The following FBN1 variants were observed in gnomAD, a reference collection of about 807,000 sequenced individuals.
The protein encoded by FBN1 is fibrillin-1.
FBN1 carries 29 observed loss-of-function variants against 365.1 expected under a neutral mutation model. That is an observed-to-expected ratio of 0.08 (90% CI 0.06 to 0.11). The LOEUF (loss-of-function observed/expected upper bound fraction) is 0.11, where lower values mean the gene tolerates loss of function less well. FBN1 is among the 10% of genes least tolerant of loss of function. The pLI is 1.00. For missense variants in FBN1, 2,476 were observed against 3,703.2 expected, an observed-to-expected ratio of 0.67 and a Z score of 8.60; for synonymous variants, 1,210 against 1,270.5, an observed-to-expected ratio of 0.95 and a Z score of 1.01.
In FBN1 at chr15:48,550,680, G is replaced by A. The variant is rs143316405; in HGVS notation, c.539-12872C>T. ...GTGAACTGCAGTTCCTCAACTCACG[G>A]TGCTGTTTCTCTTCCACACGTCTTT... On this transcript the variant is annotated intron_variant, in intron 6 of 65. Coordinates refer to ENST00000316623, the MANE Select transcript of FBN1 (RefSeq NM_000138.5). 2.6e-5 allele frequency among the ~76,000 whole-genome samples: 4 copies of A among 152,080 alleles called. No individual in the cohort carries two copies. The East Asian group carries it at 7.7e-4, about 29-fold the overall frequency.
chr15:48,511,877 C>A (rs1043910458), intron 13 of FBN1, among the ~76,000 whole-genome samples: 4 of 152,174 alleles, frequency 2.6e-5, no homozygotes, highest in African/African-American at 9.7e-5. Context: ...CAATAACCAC[C>A]TCTCTTTGCT....
intron 2 of FBN1, among the ~76,000 whole-genome samples, chr15:48,640,362 C>A (rs1890176648): frequency 1.3e-5 from 2 of 152,046 alleles, no homozygotes; most frequent in South Asian, 4.1e-4. Context: ...TTAATCTTTT[C>A]AATAAATGTA....
In FBN1 at chr15:48,550,214, C is replaced by G. The variant is rs2044131121; in HGVS notation, c.539-12406G>C. On this transcript the variant is annotated intron_variant, in intron 6 of 65. Transcript: ENST00000316623. ...ACGCCCTCGTGGCCTTTCAGCTGGCCTGAGCCAGGATGGCTTCAGCTAGGT... is the reference window on the plus strand; with the variant it reads ...ACGCCCTCGTGGCCTTTCAGCTGGCGTGAGCCAGGATGGCTTCAGCTAGGT... Among the ~76,000 whole-genome samples, 4 of 152,222 alleles carry G rather than the reference C, an allele frequency of 2.6e-5. No homozygotes were observed. The South Asian group carries it at 8.3e-4, about 32-fold the overall frequency.
intron 7 of FBN1, among the ~76,000 whole-genome samples, chr15:48,537,369 G>C (rs1455047974): frequency 6.6e-6 from 1 of 152,152 alleles, no homozygotes; most frequent in Admixed American, 6.5e-5. Flanking sequence ...TGGAGTCAGA[G>C]GTACATACAA....
chr15:48,594,426 T>G (rs1367666927), intron 6 of FBN1, among the ~76,000 whole-genome samples: 1 of 152,144 alleles, frequency 6.6e-6, no homozygotes, highest in African/African-American at 2.4e-5. Context: ...CTGGGAAAAT[T>G]CTATGGAGTC....
chr15:48,549,215 T>C (rs2141371407), intron 6 of FBN1, among the ~76,000 whole-genome samples: 1 of 152,334 alleles, frequency 6.6e-6, no homozygotes, highest in Middle Eastern at 3.4e-3. Flanking sequence ...AAAGGTGCCC[T>C]GAAACTATAC....
At chr15:48,616,354 A>G (rs895314046) in intron 2 of FBN1, among the ~76,000 whole-genome samples, 4 of 152,258 alleles carry the variant, frequency 2.6e-5, no homozygotes, top group African/African-American at 7.2e-5. Context: ...GGTATGGCTC[A>G]ACGCAAAGTA....
intron 38 of FBN1, 149 bp from the exon 39 acceptor site, chr15:48,466,007 C>G (rs1260951343): frequency 1.5e-6 from 1 of 687,046 alleles, no homozygotes; most frequent in Admixed American, 2.1e-5. Flanking sequence ...TAAGTTAACA[C>G]CTTTGTGTAC....
chr15:48,449,662 T>G (rs1191355747), intron 45 of FBN1, among the ~76,000 whole-genome samples: 2 of 152,222 alleles, frequency 1.3e-5, no homozygotes, highest in African/African-American at 4.8e-5. Flanking sequence ...AACTTACGTC[T>G]CTAATTTTTT....
intron 25 of FBN1, 135 bp from the exon 26 acceptor site, chr15:48,488,628 G>A: frequency 2.1e-6 from 2 of 949,518 alleles, no homozygotes; most frequent in South Asian, 1.6e-5. Context: ...TTCCAAGAAT[G>A]TGTGATGATC....
At chr15:48,547,601 G>A (rs528730273) in intron 6 of FBN1, among the ~76,000 whole-genome samples, 6 of 152,074 alleles carry the variant, frequency 3.9e-5, no homozygotes, top group East Asian at 1.9e-4. Flanking sequence ...ACAGATAAAC[G>A]GCAGGGAGAT....
chr15:48,514,500 A>G (rs192956076), intron 12 of FBN1, among the ~76,000 whole-genome samples: 2 of 152,336 alleles, frequency 1.3e-5, no homozygotes. Context: ...TTCATAACAG[A>G]ACTAAGAGGT....
At chr15:48,463,058 G>C (rs1486135212) in intron 42 of FBN1, 24 bp downstream of exon 42, 3 of 1,605,438 alleles carry the variant, frequency 1.9e-6, no homozygotes, top group Admixed American at 3.3e-5. Context: ...CTATATTTTT[G>C]ATAATGGAGA....
chr15:48,515,999 T>A (rs1456694676), intron 11 of FBN1, among the ~76,000 whole-genome samples, 184 bp downstream of exon 11: 1 of 152,180 alleles, frequency 6.6e-6, no homozygotes, highest in African/African-American at 2.4e-5. Context: ...CCTCCCGTTT[T>A]TCTCTATGCA....
At chr15:48,523,716 G>GA (rs1036810430) in intron 9 of FBN1, among the ~76,000 whole-genome samples, 1 of 144,276 alleles carries the variant, frequency 6.9e-6, no homozygotes, top group Admixed American at 6.9e-5. Flanking sequence ...TGGCTGGGGG[G>GA]GGGGGGGAAC....
chr15:48,563,013 C>T (rs942179440), intron 6 of FBN1, among the ~76,000 whole-genome samples: 4 of 152,256 alleles, frequency 2.6e-5, no homozygotes, highest in African/African-American at 9.6e-5. Context: ...GTACTACAGT[C>T]CTTAGCACAG....
At chr15:48,440,271 C>A (rs1359738644) in intron 50 of FBN1, among the ~76,000 whole-genome samples, 1 of 152,196 alleles carries the variant, frequency 6.6e-6, no homozygotes, top group Non-Finnish European at 1.5e-5. Context: ...GGCTCTGCCT[C>A]CTGGAGCTGA....
At chr15:48,615,910 C>A (rs1213741874) in intron 2 of FBN1, among the ~76,000 whole-genome samples, 2 of 152,126 alleles carry the variant, frequency 1.3e-5, no homozygotes, top group African/African-American at 4.8e-5. Context: ...ATGTTTCAAC[C>A]TAGTTACCTT....
intron 32 of FBN1, among the ~76,000 whole-genome samples, chr15:48,475,684 A>G (rs767638226): frequency 6.6e-6 from 1 of 152,250 alleles, no homozygotes; most frequent in Non-Finnish European, 1.5e-5. Context: ...TAGTGGCATG[A>G]AAAAGAAACT....
Sources: gnomAD v4.1 joint callset for allele counts (sites outside exome capture counted in the v4.1 genomes callset) on GRCh38, gnomAD v4.1.1 for gene constraint, MANE v1.5 for transcripts, NCBI Gene and HGNC (gene_info 2026-07-23, HGNC 2026-07-21) for gene names.